The following ACSL4 variants were observed in gnomAD, a reference collection of about 807,000 sequenced individuals.
The protein encoded by ACSL4 is long-chain-fatty-acid--CoA ligase 4.
Under a neutral mutation model 49.1 loss-of-function variants are expected in ACSL4, and 9 were observed. The ratio of observed to expected loss-of-function variants is 0.18; its 90% CI spans 0.11 to 0.32. ACSL4 has a LOEUF of 0.32. ACSL4 is among the 10% of genes least tolerant of loss of function. ACSL4 has a pLI of 1.00. For synonymous variants in ACSL4, 191 were observed against 170.3 expected, an observed-to-expected ratio of 1.12 and a Z score of -0.95; for missense variants, 333 against 493.7, an observed-to-expected ratio of 0.67 and a Z score of 3.08.
Position 109,706,479 on chromosome X carries a change from C to G in ACSL4, c.-65-10283G>C, listed in dbSNP as rs747495411. On this transcript the variant is annotated intron_variant, in intron 1 of 15. Transcript: ENST00000672401. ...GCAGTATCAACAGGGAAAGCACATT[C>G]TGTTTATGAGCTCTCAATATATCAA... Among the ~76,000 whole-genome samples the G allele has an allele frequency of 8.4e-4, 94 of 112,304 alleles. 1 individual carries two copies. The highest frequency in any genetic ancestry group is 2.8e-3 in the African/African-American group (86 of 30,925).
At chrX:109,674,041 A>G (rs896679987) in intron 9 of ACSL4, among the ~76,000 whole-genome samples, 5 of 111,722 alleles carry the variant, frequency 4.5e-5, no homozygotes, top group African/African-American at 1.6e-4. Context: ...GCTCCCTAGG[A>G]TGGCCTAAAG....
intron 1 of ACSL4, among the ~76,000 whole-genome samples, chrX:109,730,917 C>T (rs193073949): frequency 2.9e-4 from 32 of 111,710 alleles, no homozygotes; most frequent in Non-Finnish European, 5.6e-4. Context: ...CCGCCGGCCT[C>T]GGCCTCCCAA....
chrX:109,696,131 GACAAATACTT>G lies in ACSL4; in HGVS notation c.-13+3_-13+12del, dbSNP rs2147480147. On this transcript the variant is annotated splice_donor_5th_base_variant and intron_variant, in intron 2 of 15. Coordinates refer to ENST00000672401, the MANE Select transcript of ACSL4 (RefSeq NM_001318510.2). ...AATTACACATTTAGAATTTCTAAAG[GACAAATACTT>G]ACAAATGTCCTCTTTTTCTCTTAAG... 1 of 112,247 alleles carries G rather than the reference GACAAATACTT, an allele frequency of 8.9e-6. No individual in the cohort carries two copies. Among genetic ancestry groups the G allele is most frequent in the Admixed American group, 9.4e-5 (1 of 10,653 alleles). The allele number at this position is 112,247 out of a possible 1,213,427, so 9.3% of individuals were successfully genotyped here.
rs780841845 is a variant in ACSL4, at chrX:109,681,365, T to A, written c.417A>T (p.Leu139Phe). Residue 139 changes from leucine to phenylalanine, a missense_variant, in exon 5 of 16, where the codon TTA becomes TTT. Around this residue, in one of 3 missense-constraint regions of ACSL4, gnomAD observed 157 missense variants for 201.1 expected, o/e 0.78. Transcript: ENST00000672401. ...CFKYNFPLVT[L>F]YATLGKEAVV... The stretch of plus-strand genomic sequence containing the variant: ...CTGCTTCTTTGCCAAGTGTGGCATA[T>A]AAAGTCACAACTACATAATAAAAAT... The A allele has an allele frequency of 9.3e-6, 11 of 1,187,788 alleles. No homozygotes were observed. The East Asian group carries it at 3.0e-4, about 32-fold the overall frequency.
At chrX:109,694,448 T>G (rs1256347193) in intron 2 of ACSL4, among the ~76,000 whole-genome samples, 1 of 111,108 alleles carries the variant, frequency 9.0e-6, no homozygotes, top group East Asian at 2.8e-4. Flanking sequence ...ATCTGTAAAA[T>G]GAGAAAGTTG....
At chrX:109,712,310 G>A (rs1926806017) in intron 1 of ACSL4, among the ~76,000 whole-genome samples, 2 of 111,393 alleles carry the variant, frequency 1.8e-5, no homozygotes, top group African/African-American at 6.5e-5. Context: ...TCTTGCCCAG[G>A]CTGGTCTCAA....
intron 15 of ACSL4, among the ~76,000 whole-genome samples, chrX:109,657,403 T>C (rs945401893): frequency 9.5e-6 from 1 of 105,436 alleles, no homozygotes; most frequent in Non-Finnish European, 1.9e-5. Flanking sequence ...GTGTGTGATG[T>C]TCCCCTTCCT....
chrX:109,728,889 A>G (rs1360784496), intron 1 of ACSL4, among the ~76,000 whole-genome samples: 1 of 111,604 alleles, frequency 9.0e-6, no homozygotes, highest in Non-Finnish European at 1.9e-5. Context: ...ACATATTTTC[A>G]TACCACTACC....
intron 15 of ACSL4, among the ~76,000 whole-genome samples, chrX:109,645,633 A>T (rs932125809): frequency 8.9e-5 from 10 of 112,616 alleles, no homozygotes; most frequent in Non-Finnish European, 1.7e-4. Context: ...CTCCAAAGGA[A>T]TGCAGTTCCT....
At chrX:109,709,654 A>G (rs922792712) in intron 1 of ACSL4, among the ~76,000 whole-genome samples, 5 of 112,876 alleles carry the variant, frequency 4.4e-5, no homozygotes, top group Non-Finnish European at 9.4e-5. Flanking sequence ...TGCTACGCAT[A>G]CAATTCCAGT....
At chrX:109,707,256 A>G (rs1035594673) in intron 1 of ACSL4, among the ~76,000 whole-genome samples, 3 of 112,008 alleles carry the variant, frequency 2.7e-5, no homozygotes, top group African/African-American at 9.7e-5. Context: ...TTTATTTACT[A>G]AAACAGATAG....
intron 9 of ACSL4, among the ~76,000 whole-genome samples, chrX:109,674,176 C>T (rs1248039123): frequency 8.9e-6 from 1 of 111,891 alleles, no homozygotes; most frequent in Admixed American, 9.5e-5. Flanking sequence ...ACCTAATTTT[C>T]ATGTATCAGC....
chrX:109,651,154 G>C (rs1336796711), intron 15 of ACSL4, among the ~76,000 whole-genome samples: 1 of 111,225 alleles, frequency 9.0e-6, no homozygotes, highest in Non-Finnish European at 1.9e-5. Flanking sequence ...TGACTACAAG[G>C]GTAATTCTTT....
chrX:109,661,934 C>T (rs1922212265), intron 13 of ACSL4, among the ~76,000 whole-genome samples: 1 of 110,783 alleles, frequency 9.0e-6, no homozygotes, highest in South Asian at 3.8e-4. Context: ...TTATTATAAT[C>T]TTAAATATTA....
At chrX:109,654,558 G>A (rs1921464492) in intron 15 of ACSL4, among the ~76,000 whole-genome samples, 1 of 111,590 alleles carries the variant, frequency 9.0e-6, no homozygotes, top group African/African-American at 3.3e-5. Flanking sequence ...AGAGAAAATG[G>A]GCACTGAATG....
At chrX:109,667,483 G>A (rs1313134552) in intron 11 of ACSL4, among the ~76,000 whole-genome samples, 1 of 112,659 alleles carries the variant, frequency 8.9e-6, no homozygotes, top group Non-Finnish European at 1.9e-5. Flanking sequence ...ATTTAAGAGG[G>A]AGCATAAAAG....
At chrX:109,646,376 TAAAGA>T (rs1478251837) in intron 15 of ACSL4, among the ~76,000 whole-genome samples, 2 of 111,301 alleles carry the variant, frequency 1.8e-5, no homozygotes, top group Non-Finnish European at 3.8e-5. Flanking sequence ...ACAACATTCT[TAAAGA>T]AAAGAATTTT....
intron 1 of ACSL4, among the ~76,000 whole-genome samples, chrX:109,724,794 C>T (rs1220265983): frequency 9.1e-6 from 1 of 109,880 alleles, no homozygotes; most frequent in Middle Eastern, 4.3e-3. Flanking sequence ...CACCTGTAAT[C>T]CCAGCTACTC....
intron 1 of ACSL4, among the ~76,000 whole-genome samples, chrX:109,732,210 T>C (rs750141211): frequency 4.5e-5 from 5 of 112,330 alleles, no homozygotes; most frequent in Admixed American, 9.4e-5. Flanking sequence ...TTATTTTGCA[T>C]CTCACTGTTG....
Sources: gnomAD v4.1 joint callset for allele counts (sites outside exome capture counted in the v4.1 genomes callset) on GRCh38, gnomAD v4.1.1 for gene constraint, gnomAD v4.1.1 regional missense constraint, MANE v1.5 for transcripts, NCBI Gene and HGNC (gene_info 2026-07-23, HGNC 2026-07-21) for gene names.